The following PLAC1 variants were observed in gnomAD, a reference collection of about 807,000 sequenced individuals.
PLAC1 encodes placenta associated 1, also known as placenta-specific protein 1.
For missense variants in PLAC1, 136 were observed against 163.2 expected, an observed-to-expected ratio of 0.83 and a Z score of 0.91; for synonymous variants, 68 against 62.1, an observed-to-expected ratio of 1.09 and a Z score of -0.44.
At chrX:134,739,891 T>G (rs1286840365) in intron 1 of PLAC1, among the ~76,000 whole-genome samples, 6 of 112,499 alleles carry the variant, frequency 5.3e-5, no homozygotes, top group Non-Finnish European at 1.1e-4. Context: ...ATTCCACCCC[T>G]GGGTATACCC....
At chrX:134,713,335 C>A (rs149420831) in intron 2 of PLAC1, among the ~76,000 whole-genome samples, 2,768 of 112,331 alleles carry the variant, frequency 0.025, 100 homozygotes, top group African/African-American at 0.085. Context: ...TGATTATGGG[C>A]AATTTTCTTA....
intron 2 of PLAC1, among the ~76,000 whole-genome samples, chrX:134,688,469 T>A (rs2078525738): frequency 8.9e-6 from 1 of 112,447 alleles, no homozygotes; most frequent in African/African-American, 3.2e-5. Flanking sequence ...TAAATACTCA[T>A]CCAGCAGTTC....
At chrX:134,704,955 T>C (rs1032188222) in intron 2 of PLAC1, among the ~76,000 whole-genome samples, 1 of 99,371 alleles carries the variant, frequency 1.0e-5, no homozygotes, top group Non-Finnish European at 2.0e-5. Flanking sequence ...ATCATGCCAC[T>C]GCACTCCAGC....
At chrX:134,607,500 G>C (rs181736478) in intron 1 of PLAC1, 1 of 160,673 alleles carries the variant, frequency 6.2e-6, no homozygotes, top group African/African-American at 3.2e-5. Flanking sequence ...CAGAGAAAAA[G>C]GAAGCCAAAG....
chrX:134,680,060 C>T (rs781059820), intron 2 of PLAC1, among the ~76,000 whole-genome samples: 1 of 111,711 alleles, frequency 9.0e-6, no homozygotes, highest in East Asian at 2.8e-4. Flanking sequence ...TTTTGTAGGA[C>T]AGCTCCAGTT....
chrX:134,757,389 G>A (rs1016279728), intron 1 of PLAC1, among the ~76,000 whole-genome samples: 7 of 112,533 alleles, frequency 6.2e-5, no homozygotes, highest in African/African-American at 9.7e-5. Flanking sequence ...ATTCATGAGG[G>A]AACAATGTGA....
chrX:134,615,081 G>A (rs1304327841), intron 1 of PLAC1, among the ~76,000 whole-genome samples: 1 of 111,671 alleles, frequency 9.0e-6, no homozygotes, highest in African/African-American at 3.3e-5. Flanking sequence ...ATTTCCTTTG[G>A]GTATATATCC....
intron 1 of PLAC1, among the ~76,000 whole-genome samples, chrX:134,647,187 C>T (rs1363460689): frequency 3.6e-5 from 4 of 111,596 alleles, no homozygotes; most frequent in Non-Finnish European, 7.5e-5. Context: ...TCCTGGGCCA[C>T]TGGCTATCCT....
rs566691950 is a variant in PLAC1, at chrX:134,567,593, A to G, written c.-58-853T>C. ...CAATATAGTGAGAGCCTGTCTCTAT[A>G]AAACAATACAAAAAACTAGCTGAGT... On this transcript the variant is annotated intron_variant, in intron 2 of 2. Transcript: ENST00000359237. Among the ~76,000 whole-genome samples the G allele has an allele frequency of 3.6e-5, 4 of 109,743 alleles. No individual in the cohort carries two copies. The Admixed American group carries it at 3.9e-4, about 11-fold the overall frequency.
At chrX:134,734,969 G>A (rs755656003) in intron 1 of PLAC1, among the ~76,000 whole-genome samples, 54 of 111,546 alleles carry the variant, frequency 4.8e-4, no homozygotes, top group Non-Finnish European at 8.8e-4. Context: ...TATTTCAGTT[G>A]CTATTAAACA....
chrX:134,641,888 CAG>C (rs34623527), intron 1 of PLAC1, among the ~76,000 whole-genome samples: 2 of 112,036 alleles, frequency 1.8e-5, no homozygotes, highest in East Asian at 5.6e-4. Context: ...TAAAAAACTA[CAG>C]AGTCAATGGC....
At chrX:134,655,192 T>G (rs2078384026) in intron 1 of PLAC1, among the ~76,000 whole-genome samples, 1 of 111,366 alleles carries the variant, frequency 9.0e-6, no homozygotes, top group South Asian at 3.9e-4. Context: ...TATTTTTTCC[T>G]GAATTTTATT....
At chrX:134,748,991 C>A (rs1395859410) in intron 1 of PLAC1, among the ~76,000 whole-genome samples, 1 of 112,027 alleles carries the variant, frequency 8.9e-6, no homozygotes, top group African/African-American at 3.2e-5. Flanking sequence ...TGACACGAAT[C>A]AGCCTTTTCT....
intron 2 of PLAC1, among the ~76,000 whole-genome samples, chrX:134,592,143 G>T (rs2078041803): frequency 8.9e-6 from 1 of 112,139 alleles, no homozygotes; most frequent in Non-Finnish European, 1.9e-5. Flanking sequence ...ATTTTGGTCA[G>T]GTCCAATTTA....
At chrX:134,754,397 C>A (rs1452399158) in intron 1 of PLAC1, among the ~76,000 whole-genome samples, 3 of 111,713 alleles carry the variant, frequency 2.7e-5, no homozygotes, top group Non-Finnish European at 5.6e-5. Context: ...AGTGCCTTTC[C>A]ACTGAGCAAA....
rs191837920 is a variant in PLAC1 at position 134,656,184 on chromosome X, T to A, written c.-131+2144A>T. On this transcript the variant is annotated intron_variant, in intron 1 of 2. Coordinates refer to ENST00000359237, the MANE Select transcript of PLAC1 (RefSeq NM_021796.4). ...AAAACCATCAATGGCTATTTCCTAT[T>A]TCTCATCTTTCTTCAGTCAGAGCCA... is the stretch of plus-strand genomic sequence containing the variant. 2.7e-3 allele frequency among the ~76,000 whole-genome samples: 304 copies of A among 112,131 alleles called. 1 individual carries two copies. The highest frequency in any genetic ancestry group is 8.2e-3 in the African/African-American group (252 of 30,879).
intron 1 of PLAC1, among the ~76,000 whole-genome samples, chrX:134,735,222 C>T (rs949495072): frequency 5.4e-5 from 6 of 111,359 alleles, no homozygotes; most frequent in Non-Finnish European, 7.5e-5. Flanking sequence ...AAATTCAGGC[C>T]CAGCTCACAT....
chrX:134,671,987 T>C (rs2078457404), intron 2 of PLAC1, among the ~76,000 whole-genome samples: 1 of 111,587 alleles, frequency 9.0e-6, no homozygotes, highest in South Asian at 3.8e-4. Flanking sequence ...CTTTATTATC[T>C]ATCTCCTCAC....
intron 2 of PLAC1, among the ~76,000 whole-genome samples, chrX:134,716,158 G>A (rs955930824): frequency 4.4e-5 from 5 of 112,378 alleles, no homozygotes; most frequent in African/African-American, 1.6e-4. Flanking sequence ...TAGCAAGCAA[G>A]TGGGCCCAGG....
Sources: allele counts gnomAD v4.1 joint callset (sites outside exome capture counted in the v4.1 genomes callset), GRCh38; gene constraint gnomAD v4.1.1; transcripts MANE v1.5; gene names NCBI Gene and HGNC (gene_info 2026-07-23, HGNC 2026-07-21).